The following NKAIN3 variants were observed in gnomAD, a reference collection of about 807,000 sequenced individuals.
NKAIN3 encodes sodium/potassium transporting ATPase interacting 3.
Under a neutral mutation model 30.2 loss-of-function variants are expected in NKAIN3, and 25 were observed. That is an observed-to-expected ratio of 0.83 (90% CI 0.60 to 1.16). NKAIN3 has a LOEUF of 1.16. Ranked by LOEUF, NKAIN3 falls within the 50% of genes most tolerant of loss-of-function variation. NKAIN3 has a pLI of 0.00. For synonymous variants in NKAIN3, 91 were observed against 89.6 expected (o/e 1.02, Z -0.09); for missense variants, 225 against 254.1 (o/e 0.89, Z 0.78).
At chr8:62,677,607 A>G (rs1482197429) in intron 3 of NKAIN3, among the ~76,000 whole-genome samples, 1 of 152,208 alleles carries the variant, frequency 6.6e-6, no homozygotes, top group African/African-American at 2.4e-5. Flanking sequence ...CTAATATGGA[A>G]CCAGCTCCAG....
chr8:62,863,337 C>A (rs1162009046), intron 4 of NKAIN3: 18 of 1,548,458 alleles, frequency 1.2e-5, no homozygotes, highest in Non-Finnish European at 1.6e-5. Context: ...CTGCTTTCTG[C>A]CCCTCAGTGG....
At chr8:62,314,759 G>T (rs2129588913) in intron 1 of NKAIN3, among the ~76,000 whole-genome samples, 1 of 152,212 alleles carries the variant, frequency 6.6e-6, no homozygotes, top group South Asian at 2.1e-4. Flanking sequence ...TAACATGTTT[G>T]CCACCAATAA....
intron 5 of NKAIN3, among the ~76,000 whole-genome samples, chr8:62,936,691 G>A (rs1433047443): frequency 6.6e-6 from 1 of 152,046 alleles, no homozygotes; most frequent in East Asian, 1.9e-4. Context: ...AACTTTAGTA[G>A]TTACAATTTT....
At chr8:62,400,867 C>T (rs1803839301) in intron 1 of NKAIN3, among the ~76,000 whole-genome samples, 1 of 152,104 alleles carries the variant, frequency 6.6e-6, no homozygotes, top group South Asian at 2.1e-4. Context: ...TGGCCTTTGG[C>T]AGTTTCATTA....
At chr8:62,387,175 C>T (rs954269225) in intron 1 of NKAIN3, among the ~76,000 whole-genome samples, 6 of 151,962 alleles carry the variant, frequency 3.9e-5, no homozygotes, top group Non-Finnish European at 8.8e-5. Flanking sequence ...GTTTTTGTCC[C>T]ATTAAAATCA....
chr8:62,611,738 G>A (rs1007373454), intron 3 of NKAIN3, among the ~76,000 whole-genome samples: 2 of 151,918 alleles, frequency 1.3e-5, no homozygotes, highest in Non-Finnish European at 2.9e-5. Flanking sequence ...TAAACAGTGG[G>A]GCAACAAACA....
intron 1 of NKAIN3, among the ~76,000 whole-genome samples, chr8:62,540,206 C>T (rs1375022723): frequency 2.6e-5 from 4 of 152,124 alleles, no homozygotes; most frequent in East Asian, 1.9e-4. Flanking sequence ...TTGTCATTTA[C>T]CTCCAAATCA....
chr8:62,987,962 G>T (rs921380063), downstream of NKAIN3, among the ~76,000 whole-genome samples: 1 of 152,212 alleles, frequency 6.6e-6, no homozygotes, highest in Non-Finnish European at 1.5e-5. Flanking sequence ...TACAGGCATT[G>T]GGTAAATACT....
intron 3 of NKAIN3, among the ~76,000 whole-genome samples, chr8:62,722,482 A>G (rs966994899): frequency 6.6e-6 from 1 of 152,210 alleles, no homozygotes; most frequent in Non-Finnish European, 1.5e-5. Context: ...CATGATTTAG[A>G]TAAGTCCTTT....
intron 1 of NKAIN3, among the ~76,000 whole-genome samples, chr8:62,549,447 T>G (rs1809121067): frequency 6.6e-6 from 1 of 152,184 alleles, no homozygotes; most frequent in Non-Finnish European, 1.5e-5. Context: ...GTATGGCCTT[T>G]CATCTTTCTG....
At chr8:62,345,945 T>A (rs13270243) in intron 1 of NKAIN3, among the ~76,000 whole-genome samples, 1 of 151,908 alleles carries the variant, frequency 6.6e-6, no homozygotes, top group African/African-American at 2.4e-5. Context: ...TAGAGAACAT[T>A]ATGTAAGTGA....
intron 1 of NKAIN3, among the ~76,000 whole-genome samples, chr8:62,345,512 T>TTC (rs1554669328): frequency 8.3e-6 from 1 of 120,904 alleles, no homozygotes; most frequent in Non-Finnish European, 1.7e-5. Flanking sequence ...TACACATATA[T>TTC]ACACATATAT....
intron 3 of NKAIN3, among the ~76,000 whole-genome samples, chr8:62,704,090 C>G (rs114218985): frequency 3.2e-4 from 49 of 152,286 alleles, no homozygotes; most frequent in African/African-American, 1.2e-3. Context: ...ATTGCTCATT[C>G]AGTTCCCTTC....
chr8:62,674,848 G>A (rs993098297), intron 3 of NKAIN3, among the ~76,000 whole-genome samples: 1 of 152,162 alleles, frequency 6.6e-6, no homozygotes, highest in African/African-American at 2.4e-5. Flanking sequence ...AAGAACAGAT[G>A]GTCTTGCTCT....
downstream of NKAIN3, among the ~76,000 whole-genome samples, chr8:62,986,877 C>T (rs986948034): frequency 5.3e-5 from 8 of 152,290 alleles, no homozygotes; most frequent in Admixed American, 5.2e-4. Context: ...GGTATATAAA[C>T]TCATCCATTA....
intron 4 of NKAIN3, among the ~76,000 whole-genome samples, chr8:62,785,961 A>G (rs1157822076): frequency 6.6e-6 from 1 of 152,110 alleles, no homozygotes; most frequent in Non-Finnish European, 1.5e-5. Context: ...ACAACTGGAC[A>G]GCCAGGTGTT....
intron 1 of NKAIN3, among the ~76,000 whole-genome samples, chr8:62,487,499 G>C (rs1379097960): frequency 6.6e-6 from 1 of 152,178 alleles, no homozygotes; most frequent in African/African-American, 2.4e-5. Flanking sequence ...ATTTTTAAAA[G>C]TTAAGACAGC....
At chr8:62,320,765 A>AT in intron 1 of NKAIN3, among the ~76,000 whole-genome samples, 1 of 152,000 alleles carries the variant, frequency 6.6e-6, no homozygotes, top group African/African-American at 2.4e-5. Flanking sequence ...TGCCCTTAAC[A>AT]TTTTTTCCTT....
chr8:62,395,088 A>T (rs759735567), intron 1 of NKAIN3, among the ~76,000 whole-genome samples: 3 of 147,620 alleles, frequency 2.0e-5, no homozygotes, highest in Non-Finnish European at 3.0e-5. Flanking sequence ...GGCGCTCATC[A>T]CTTCTCAGAT....
Sources: allele counts gnomAD v4.1 joint callset (sites outside exome capture counted in the v4.1 genomes callset), GRCh38; gene constraint gnomAD v4.1.1; transcripts MANE v1.5; gene names NCBI Gene and HGNC (gene_info 2026-07-23, HGNC 2026-07-21).